The following SLC24A2 variants were observed in gnomAD, a reference collection of about 807,000 sequenced individuals.
The protein encoded by SLC24A2 is solute carrier family 24 member 2.
SLC24A2 carries 36 observed loss-of-function variants against 62.0 expected under a neutral mutation model. That is an observed-to-expected ratio of 0.58 (90% confidence interval 0.44 to 0.77). The LOEUF (loss-of-function observed/expected upper bound fraction) is 0.77. Ranked by LOEUF, SLC24A2 falls within the 30% of genes least tolerant of loss-of-function variation. The pLI is 0.00. For missense variants in SLC24A2, 846 were observed against 817.9 expected (o/e 1.03, Z -0.42); for synonymous variants, 358 against 294.0 (o/e 1.22, Z -2.23).
intron 2 of SLC24A2, among the ~76,000 whole-genome samples, chr9:19,684,009 A>G (rs1397280572): frequency 6.6e-6 from 1 of 152,246 alleles, no homozygotes; most frequent in African/African-American, 2.4e-5. Context: ...GGAAAGGGCA[A>G]TTTATTGTAA....
At chr9:20,135,170 C>T in the SLC24A2 span, among the ~76,000 whole-genome samples, 51 of 152,084 alleles carry the variant, frequency 3.4e-4, no homozygotes, top group Admixed American at 3.3e-3. Flanking sequence ...TCTCCCAATC[C>T]TTTTGGAAAC....
the SLC24A2 span, among the ~76,000 whole-genome samples, chr9:20,225,891 T>C: frequency 1.3e-5 from 2 of 151,714 alleles, no homozygotes; most frequent in Non-Finnish European, 2.9e-5. Context: ...CCAAATCCTT[T>C]AGAAAGTGAG....
intron 2 of SLC24A2, among the ~76,000 whole-genome samples, chr9:19,704,785 T>C (rs1034080978): frequency 2.0e-5 from 3 of 147,990 alleles, no homozygotes; most frequent in Non-Finnish European, 4.4e-5. Context: ...TGGAATTTAT[T>C]TTAAAAACCA....
intron 2 of SLC24A2, among the ~76,000 whole-genome samples, chr9:19,687,182 T>C (rs1455950575): frequency 1.3e-5 from 2 of 152,068 alleles, no homozygotes; most frequent in Non-Finnish European, 2.9e-5. Flanking sequence ...TTGGGTACTA[T>C]GCTTATTACC....
intron 9 of SLC24A2, among the ~76,000 whole-genome samples, chr9:19,527,593 A>G (rs998603339): frequency 2.0e-5 from 3 of 152,230 alleles, no homozygotes; most frequent in South Asian, 2.1e-4. Context: ...TGAGTTAAAA[A>G]TAATAACAAT....
chr9:19,789,578 A>C (rs2118960239), upstream of SLC24A2, among the ~76,000 whole-genome samples: 1 of 152,142 alleles, frequency 6.6e-6, no homozygotes, highest in East Asian at 1.9e-4. Flanking sequence ...GAGACCCAAA[A>C]CCCCGTGTCA....
At chr9:19,521,180 G>A in intron 9 of SLC24A2, 120 bp from the exon 10 acceptor site, 1 of 909,382 alleles carries the variant, frequency 1.1e-6, no homozygotes, top group Non-Finnish European at 1.8e-6. Flanking sequence ...GCAAAGTGCT[G>A]AGATGATAAA....
At chr9:19,734,175 T>A (rs1288463507) in intron 2 of SLC24A2, among the ~76,000 whole-genome samples, 5 of 152,168 alleles carry the variant, frequency 3.3e-5, no homozygotes, top group Admixed American at 3.3e-4. Context: ...TTGTCAGGTT[T>A]GTCAAAGATC....
At chr9:20,297,767 C>T in the SLC24A2 span, among the ~76,000 whole-genome samples, 1 of 152,228 alleles carries the variant, frequency 6.6e-6, no homozygotes, top group South Asian at 2.1e-4. Flanking sequence ...ATGGCCCTCC[C>T]AACCAAACCT....
chr9:19,796,389 T>C, the SLC24A2 span, among the ~76,000 whole-genome samples: 5 of 152,338 alleles, frequency 3.3e-5, no homozygotes, highest in Admixed American at 6.5e-5. Flanking sequence ...TTCTTGTTTC[T>C]TCCTTGACAG....
At chr9:19,771,761 T>G (rs1179625286) in intron 2 of SLC24A2, among the ~76,000 whole-genome samples, 1 of 152,232 alleles carries the variant, frequency 6.6e-6, no homozygotes, top group African/African-American at 2.4e-5. Context: ...TAATCAGCTT[T>G]GTGCAATTAC....
At chr9:19,894,965 C>T in the SLC24A2 span, among the ~76,000 whole-genome samples, 5 of 152,070 alleles carry the variant, frequency 3.3e-5, no homozygotes, top group African/African-American at 7.2e-5. Context: ...TTTTCTTCCC[C>T]GACAACCTAA....
At chr9:20,208,862 T>A in the SLC24A2 span, among the ~76,000 whole-genome samples, 2 of 152,316 alleles carry the variant, frequency 1.3e-5, no homozygotes, top group African/African-American at 4.8e-5. Flanking sequence ...CAAAGCTCTG[T>A]AGATTTCTTC....
At chr9:19,902,078 C>T in the SLC24A2 span, among the ~76,000 whole-genome samples, 1 of 152,102 alleles carries the variant, frequency 6.6e-6, no homozygotes, top group East Asian at 1.9e-4. Context: ...CAGCCTTAGG[C>T]CCTGTTTATA....
At chr9:19,843,888 G>C in the SLC24A2 span, among the ~76,000 whole-genome samples, 1 of 152,184 alleles carries the variant, frequency 6.6e-6, no homozygotes, top group South Asian at 2.1e-4. Context: ...GAATTCCATG[G>C]TGTATATGTA....
the SLC24A2 span, among the ~76,000 whole-genome samples, chr9:20,000,619 T>C: frequency 6.6e-6 from 1 of 152,216 alleles, no homozygotes; most frequent in Non-Finnish European, 1.5e-5. Flanking sequence ...TCACGACACA[T>C]GGATCTCTTC....
At chr9:20,045,535 G>A in the SLC24A2 span, among the ~76,000 whole-genome samples, 3 of 151,986 alleles carry the variant, frequency 2.0e-5, no homozygotes, top group Non-Finnish European at 4.4e-5. Flanking sequence ...AGGTTCAAGC[G>A]ACTCTCCTGC....
chr9:20,136,608 G>C, the SLC24A2 span, among the ~76,000 whole-genome samples: 2 of 152,132 alleles, frequency 1.3e-5, no homozygotes, highest in African/African-American at 4.8e-5. Flanking sequence ...CTGAGTGAAA[G>C]ATAGCCAAGG....
chr9:19,690,323 GAGGATGCATGACTC>G (rs1820007920), intron 2 of SLC24A2, among the ~76,000 whole-genome samples: 1 of 152,044 alleles, frequency 6.6e-6, no homozygotes, highest in Non-Finnish European at 1.5e-5. Flanking sequence ...TCGGCTTCAC[GAGGATGCATGACTC>G]AGGCTCATTC....
Sources: allele counts gnomAD v4.1 joint callset (sites outside exome capture counted in the v4.1 genomes callset), GRCh38; gene constraint gnomAD v4.1.1; transcripts MANE v1.5; gene names NCBI Gene and HGNC (gene_info 2026-07-23, HGNC 2026-07-21).